ACO1: variants seen among roughly 807,000 people sequenced by gnomAD.
The protein encoded by ACO1 is aconitase 1.
In ACO1, 78 loss-of-function variants were observed where a neutral mutation model predicts 105.1. That is an observed-to-expected ratio of 0.74 (90% CI 0.62 to 0.90). The LOEUF (loss-of-function observed/expected upper bound fraction) is 0.90. Ranked by LOEUF, ACO1 falls within the 40% of genes least tolerant of loss-of-function variation. The pLI is 0.00. For missense variants in ACO1, 965 were observed against 1,111.1 expected (o/e 0.87, Z 1.87); for synonymous variants, 364 against 397.4 (o/e 0.92, Z 1.00).
At chr9:32,385,166 G>A (rs955881595) in intron 1 of ACO1, among the ~76,000 whole-genome samples, 1 of 152,214 alleles carries the variant, frequency 6.6e-6, no homozygotes, top group Non-Finnish European at 1.5e-5. Context: ...CCACTCCAAG[G>A]GGTAAAGGGA....
intron 4 of ACO1, among the ~76,000 whole-genome samples, chr9:32,411,750 T>A (rs939800335): frequency 1.1e-4 from 16 of 152,232 alleles, no homozygotes; most frequent in African/African-American, 3.9e-4. Flanking sequence ...GAGACACTTT[T>A]ATACACTGCT....
intron 4 of ACO1, among the ~76,000 whole-genome samples, chr9:32,414,149 T>C (rs943178399): frequency 1.3e-5 from 2 of 151,930 alleles, no homozygotes; most frequent in Admixed American, 1.3e-4. Context: ...TGAGACTCCG[T>C]CTCAAAAAAA....
intron 1 of ACO1, among the ~76,000 whole-genome samples, chr9:32,385,733 C>T (rs997218590): frequency 6.6e-6 from 1 of 152,172 alleles, no homozygotes; most frequent in African/African-American, 2.4e-5. Flanking sequence ...TTGAGACCTC[C>T]ACTGTATACT....
chr9:32,390,044 T>C (rs1417453043), intron 1 of ACO1, among the ~76,000 whole-genome samples: 1 of 152,224 alleles, frequency 6.6e-6, no homozygotes, highest in Non-Finnish European at 1.5e-5. Context: ...GTGATCCGCC[T>C]GCCTCAGCCT....
rs1822829630 is a variant in ACO1, at chr9:32,454,223, C to G, written c.*4112C>G. ...TCACTGTTTGCAGGGAAGGTGGCAG[C>G]AAATGGCACAGAAACCCACCTGACC... On this transcript the variant is annotated 3_prime_UTR_variant, in exon 21 of 21. Coordinates refer to ENST00000309951, the MANE Select transcript of ACO1 (RefSeq NM_002197.3). 1 of 152,250 alleles carries G rather than the reference C, an allele frequency of 6.6e-6. No homozygotes were observed. The highest frequency in any genetic ancestry group is 2.4e-5 in the African/African-American group (1 of 41,452). The allele number at this position is 152,250 out of a possible 1,614,324, so 9.4% of individuals were successfully genotyped here.
intron 12 of ACO1, among the ~76,000 whole-genome samples, 153 bp from the exon 13 acceptor site, chr9:32,429,266 A>G (rs1822172115): frequency 6.6e-6 from 1 of 152,248 alleles, no homozygotes; most frequent in Non-Finnish European, 1.5e-5. Flanking sequence ...AATGCTCTCA[A>G]GAATGAAACT....
In ACO1 at chr9:32,392,599, C is replaced by T. The variant is rs189028096; in HGVS notation, c.-23+7864C>T. Among the ~76,000 whole-genome samples the T allele has an allele frequency of 1.8e-3, 276 of 152,306 alleles. 2 individuals carry two copies. Among genetic ancestry groups the T allele is most frequent in the African/African-American group, 6.4e-3 (264 of 41,546 alleles). The stretch of plus-strand genomic sequence containing the variant: ...GCAGGAGATCTTATCCCAGATCCAC[C>T]GTGTCTAAAACCAACATCTCAGTTC... On this transcript the variant is annotated intron_variant, in intron 1 of 20. Transcript: ENST00000309951.
rs917912455 is a variant in ACO1 at position 32,449,052 on chromosome 9, C to G, written c.2527C>G (p.Leu843Val). 1 of 1,609,600 alleles carries G rather than the reference C, an allele frequency of 6.2e-7. No individual in the cohort carries two copies. The highest frequency in any genetic ancestry group is 8.5e-7 in the Non-Finnish European group (1 of 1,176,826). ...ATACACTATCATTATTCCAGAAAAC[C>G]TCAAACCACAAATGAAAGTCCAGGT... Reference protein sequence around the residue: ...ERYTIIIPENLKPQMKVQVKL... With the variant: ...ERYTIIIPENVKPQMKVQVKL... Residue 843 changes from leucine to valine, a missense_variant, in exon 20 of 21, where the codon CTC becomes GTC. Transcript: ENST00000309951.
chr9:32,444,935 T>C (rs542246494), intron 19 of ACO1, among the ~76,000 whole-genome samples: 2 of 152,342 alleles, frequency 1.3e-5, no homozygotes, highest in South Asian at 4.1e-4. Flanking sequence ...TTGCATATGT[T>C]GAACCAGCCT....
chr9:32,406,332 T>C (rs568589281), intron 2 of ACO1, among the ~76,000 whole-genome samples: 3 of 152,246 alleles, frequency 2.0e-5, no homozygotes, highest in Admixed American at 2.0e-4. Flanking sequence ...TTGTCAACAT[T>C]TAACATAGGC....
At chr9:32,428,704 C>T (rs564411233) in intron 12 of ACO1, among the ~76,000 whole-genome samples, 22 of 152,122 alleles carry the variant, frequency 1.4e-4, no homozygotes, top group African/African-American at 4.6e-4. Flanking sequence ...ATTAGCCGGG[C>T]GTGGTGGCGG....
chr9:32,384,794 C>A, intron 1 of ACO1, 59 bp downstream of exon 1: 1 of 330,804 alleles, frequency 3.0e-6, no homozygotes, highest in South Asian at 2.0e-5. Context: ...CACCCTGTAT[C>A]CCTCGAGAGT....
chr9:32,419,815 G>C (rs1654587768), intron 7 of ACO1, among the ~76,000 whole-genome samples: 1 of 152,150 alleles, frequency 6.6e-6, no homozygotes, highest in African/African-American at 2.4e-5. Flanking sequence ...ATCTTTTTCT[G>C]TGATTTGCTT....
chr9:32,401,852 C>T lies in ACO1; in HGVS notation c.-22-3633C>T, dbSNP rs142307198. ...TGTTCAGACTGTCCATGCCCACCCC[C>T]GTTCTTGCATGCAGAGTGTACCTGT... is the stretch of plus-strand genomic sequence containing the variant. On this transcript the variant is annotated intron_variant, in intron 1 of 20. Coordinates refer to ENST00000309951, the MANE Select transcript of ACO1 (RefSeq NM_002197.3). Among the ~76,000 whole-genome samples, 292 of 152,298 alleles carry T rather than the reference C, an allele frequency of 1.9e-3. 1 individual carries two copies. The highest frequency in any genetic ancestry group is 6.0e-3 in the South Asian group (29 of 4,826).
intron 1 of ACO1, among the ~76,000 whole-genome samples, chr9:32,402,885 T>C (rs1821527347): frequency 6.6e-6 from 1 of 152,218 alleles, no homozygotes; most frequent in Non-Finnish European, 1.5e-5. Context: ...CAAACAAAGC[T>C]AGTCTTTGGT....
chr9:32,419,132 C>A lies in ACO1; in HGVS notation c.753C>A (p.Pro251=), dbSNP rs1405882703. ...TTGGCTACAGGCTGATGGGGAAGCC[C>A]CACCCTCTGGTAACATCCACTGACA... The part of the protein sequence containing the change: ...QVIGYRLMGK[P]HPLVTSTDIV... The change falls in exon 7 of 21, where the codon CCC becomes CCA. Residue 251 remains proline, a synonymous_variant. Coordinates refer to ENST00000309951, the MANE Select transcript of ACO1 (RefSeq NM_002197.3). The A allele has an allele frequency of 1.9e-6, 3 of 1,606,028 alleles. No homozygotes were observed. The highest frequency in any genetic ancestry group is 2.6e-6 in the Non-Finnish European group (3 of 1,175,944).
rs567665609 is a variant in ACO1, at chr9:32,450,075, C to A, written c.2634C>A (p.Gly878=). Residue 878 remains glycine (G), a synonymous_variant, in exon 21 of 21, where the codon GGC becomes GGA. Transcript: ENST00000309951. ...DVELTYFLNG[G]ILNYMIRKMA... ...AGCTCACTTATTTCCTCAACGGGGG[C>A]ATCCTCAACTACATGATCCGCAAGA... The A allele has an allele frequency of 9.9e-6, 16 of 1,613,874 alleles. No individual in the cohort carries two copies. The Admixed American group carries it at 2.0e-4, about 20-fold the overall frequency.
chr9:32,424,779 G>A, intron 10 of ACO1, 114 bp downstream of exon 10: 1 of 735,152 alleles, frequency 1.4e-6, no homozygotes, highest in Non-Finnish European at 2.3e-6. Flanking sequence ...TGAAGCTTGA[G>A]GGTGTTTATT....
intron 16 of ACO1, 123 bp from the exon 17 acceptor site, chr9:32,434,436 T>C: frequency 8.9e-7 from 1 of 1,124,876 alleles, no homozygotes; most frequent in Non-Finnish European, 1.3e-6. Context: ...ACACTAGAAT[T>C]TTCTGTGCAT....
Sources: allele counts gnomAD v4.1 joint callset (sites outside exome capture counted in the v4.1 genomes callset), GRCh38; gene constraint gnomAD v4.1.1; transcripts MANE v1.5; gene names NCBI Gene and HGNC (gene_info 2026-07-23, HGNC 2026-07-21).